Variants in ARHGAP15 observed in about 807,000 individuals in gnomAD.
ARHGAP15 encodes rho GTPase-activating protein 15.
Under a neutral mutation model 63.7 loss-of-function variants are expected in ARHGAP15, and 51 were observed. The observed-to-expected ratio is 0.80, with a 90% CI of 0.64 to 1.01. The LOEUF (loss-of-function observed/expected upper bound fraction) is 1.01. Among genes scored for constraint, ARHGAP15 ranks in the 50% least tolerant of loss-of-function variants. ARHGAP15 has a pLI of 0.00. For synonymous variants in ARHGAP15, 191 were observed against 193.8 expected, an observed-to-expected ratio of 0.99 and a Z score of 0.12; for missense variants, 560 against 564.6, an observed-to-expected ratio of 0.99 and a Z score of 0.08.
At chr2:143,574,953 T>G (rs910944187) in intron 11 of ARHGAP15, among the ~76,000 whole-genome samples, 1 of 152,176 alleles carries the variant, frequency 6.6e-6, no homozygotes, top group Non-Finnish European at 1.5e-5. Flanking sequence ...CCTCTAAATC[T>G]CTAAACTTCT....
chr2:143,207,972 T>C (rs1185138547), intron 3 of ARHGAP15, among the ~76,000 whole-genome samples: 1 of 152,110 alleles, frequency 6.6e-6, no homozygotes, highest in Admixed American at 6.6e-5. Context: ...TCTCCAACTC[T>C]CCTCACCTCC....
intron 4 of ARHGAP15, among the ~76,000 whole-genome samples, chr2:143,217,670 C>T (rs1022997201): frequency 1.3e-5 from 2 of 152,290 alleles, no homozygotes; most frequent in East Asian, 3.9e-4. Flanking sequence ...AGCCCGAGTG[C>T]TCTCCTTTCC....
chr2:143,398,844 G>T (rs1036968741), intron 6 of ARHGAP15, among the ~76,000 whole-genome samples: 1 of 151,030 alleles, frequency 6.6e-6, no homozygotes, highest in African/African-American at 2.4e-5. Context: ...GACAGATAAT[G>T]TTAACACAGC....
intron 12 of ARHGAP15, among the ~76,000 whole-genome samples, chr2:143,666,842 G>GA (rs1291864997): frequency 6.7e-6 from 1 of 149,504 alleles, no homozygotes; most frequent in Non-Finnish European, 1.5e-5. Flanking sequence ...CTGGCCATCA[G>GA]AGAAATGCAA....
intron 5 of ARHGAP15, among the ~76,000 whole-genome samples, chr2:143,245,530 GAGA>G (rs1281885104): frequency 6.6e-6 from 1 of 152,134 alleles, no homozygotes; most frequent in Admixed American, 6.5e-5. Context: ...ATGAATTGAG[GAGA>G]AGGACAAATC....
At chr2:143,520,200 T>C (rs929547809) in intron 10 of ARHGAP15, among the ~76,000 whole-genome samples, 1 of 152,162 alleles carries the variant, frequency 6.6e-6, no homozygotes, top group Non-Finnish European at 1.5e-5. Flanking sequence ...GGTGAACCTA[T>C]TCCCATTTCC....
chr2:143,431,319 C>A (rs770077932), intron 6 of ARHGAP15, among the ~76,000 whole-genome samples: 2 of 151,926 alleles, frequency 1.3e-5, no homozygotes, highest in Non-Finnish European at 2.9e-5. Flanking sequence ...TAAAATGATG[C>A]CAATTTGATA....
chr2:143,677,032 A>C lies in ARHGAP15; in HGVS notation c.1139-26387A>C, dbSNP rs139061025. 2.5e-3 allele frequency among the ~76,000 whole-genome samples: 378 copies of C among 152,354 alleles called. 4 individuals carry two copies. In the South Asian group the frequency reaches 0.027, roughly 11 times the overall value. ...TACCACCTCAATTTTACTTCAAAAA[A>C]AGGAAGTGATTGAAAGACCATTTAT... On this transcript the variant is annotated intron_variant, in intron 12 of 13. Transcript: ENST00000295095.
At chr2:143,435,484 G>T in intron 6 of ARHGAP15, 117 bp from the exon 7 acceptor site, 3 of 1,337,636 alleles carry the variant, frequency 2.2e-6, no homozygotes, top group Non-Finnish European at 1.9e-6. Flanking sequence ...TGGAATACAA[G>T]AAAATATTTC....
intron 6 of ARHGAP15, among the ~76,000 whole-genome samples, chr2:143,307,408 C>T (rs1179772214): frequency 6.6e-6 from 1 of 152,104 alleles, no homozygotes; most frequent in Non-Finnish European, 1.5e-5. Context: ...TTGCTTTCCA[C>T]ACCTCCAAAC....
At chr2:143,515,546 TAAAAGA>T (rs1676304735) in intron 9 of ARHGAP15, among the ~76,000 whole-genome samples, 1 of 152,202 alleles carries the variant, frequency 6.6e-6, no homozygotes, top group Non-Finnish European at 1.5e-5. Context: ...AAAGATGGAT[TAAAAGA>T]AAAAGAAAAA....
At chr2:143,625,700 T>C (rs1698809690) in intron 12 of ARHGAP15, among the ~76,000 whole-genome samples, 1 of 152,204 alleles carries the variant, frequency 6.6e-6, no homozygotes, top group Non-Finnish European at 1.5e-5. Flanking sequence ...TGATATTCTG[T>C]CTTGGAACAC....
chr2:143,479,529 T>C (rs1188785062), intron 8 of ARHGAP15, among the ~76,000 whole-genome samples: 1 of 152,102 alleles, frequency 6.6e-6, no homozygotes, highest in African/African-American at 2.4e-5. Flanking sequence ...CCCTATGATA[T>C]TTTCTTCTTT....
chr2:143,539,668 G>T (rs1694952053), intron 10 of ARHGAP15, among the ~76,000 whole-genome samples: 1 of 152,140 alleles, frequency 6.6e-6, no homozygotes, highest in Non-Finnish European at 1.5e-5. Context: ...AGGTTGTTCA[G>T]TTTCCATGTA....
intron 8 of ARHGAP15, among the ~76,000 whole-genome samples, chr2:143,481,934 G>A (rs1692096255): frequency 6.6e-6 from 1 of 152,176 alleles, no homozygotes; most frequent in Non-Finnish European, 1.5e-5. Flanking sequence ...TAAAGCTAAT[G>A]CCTTTGGCCT....
rs181438335 is a variant in ARHGAP15, at chr2:143,470,782, C to G, written c.704-16591C>G. Among the ~76,000 whole-genome samples the G allele has an allele frequency of 3.1e-3, 447 of 143,206 alleles. 4 individuals carry two copies. The highest frequency in any genetic ancestry group is 0.011 in the African/African-American group (433 of 39,772). The allele number at this position is 143,206 out of a possible 152,430, so 93.9% of individuals were successfully genotyped here. ...CACTTCTTGTCAGTCATTCATCCTA[C>G]TCCAAACAGGTTGGCATATATATAT... is the stretch of plus-strand genomic sequence containing the variant. On this transcript the variant is annotated intron_variant, in intron 8 of 13. Transcript: ENST00000295095.
chr2:143,719,062 A>G (rs1048640203), intron 13 of ARHGAP15, among the ~76,000 whole-genome samples: 3 of 152,186 alleles, frequency 2.0e-5, no homozygotes, highest in Admixed American at 2.0e-4. Context: ...TTCTCATTTC[A>G]AAGAGACAAC....
chr2:143,747,922 T>G (rs1038587309), intron 13 of ARHGAP15, among the ~76,000 whole-genome samples: 7 of 152,234 alleles, frequency 4.6e-5, no homozygotes, highest in African/African-American at 1.7e-4. Context: ...CTTCCTTGTC[T>G]GAGGCAATAC....
At chr2:143,663,318 C>A (rs1681939441) in intron 12 of ARHGAP15, among the ~76,000 whole-genome samples, 1 of 151,606 alleles carries the variant, frequency 6.6e-6, no homozygotes, top group Non-Finnish European at 1.5e-5. Context: ...CCAAACTAAG[C>A]TTCATAAGGG....
Sources: allele counts gnomAD v4.1 joint callset (sites outside exome capture counted in the v4.1 genomes callset), GRCh38; gene constraint gnomAD v4.1.1; transcripts MANE v1.5; gene names NCBI Gene and HGNC (gene_info 2026-07-23, HGNC 2026-07-21).